The following KPNA7 variants were observed in gnomAD, a reference collection of about 807,000 sequenced individuals.
KPNA7 encodes karyopherin subunit alpha 7.
In KPNA7, 54 loss-of-function variants were observed where a neutral mutation model predicts 53.7. The ratio of observed to expected loss-of-function variants is 1.01; its 90% CI spans 0.81 to 1.26. The LOEUF (loss-of-function observed/expected upper bound fraction) is 1.26. Ranked by LOEUF, KPNA7 falls within the 50% of genes most tolerant of loss-of-function variation. The pLI, the probability that KPNA7 is intolerant of heterozygous loss-of-function variation, is 0.00. For missense variants in KPNA7, 640 were observed against 644.5 expected (o/e 0.99, Z 0.07); for synonymous variants, 276 against 259.3 (o/e 1.06, Z -0.62).
At chr7:99,149,587 T>C in the KPNA7 span, among the ~76,000 whole-genome samples, 1 of 152,190 alleles carries the variant, frequency 6.6e-6, no homozygotes, top group Non-Finnish European at 1.5e-5. Context: ...TGAAGCTTCT[T>C]ATCCTGAGAA....
In KPNA7 at chr7:99,192,163, A is replaced by T. The variant is rs562276874; in HGVS notation, c.636+856T>A. Among the ~76,000 whole-genome samples, 5 of 152,278 alleles carry T rather than the reference A, an allele frequency of 3.3e-5. No individual in the cohort carries two copies. The South Asian group carries it at 1.0e-3, about 32-fold the overall frequency. On this transcript the variant is annotated intron_variant, in intron 6 of 10. Transcript: ENST00000327442. ...GGTTGCAAATTTTTTTGTGTGAAAAATCAGACCTTGGTAATGACCATGAGC... is the reference window on the plus strand; with the variant it reads ...GGTTGCAAATTTTTTTGTGTGAAAATTCAGACCTTGGTAATGACCATGAGC...
chr7:99,163,383 A>ATTTTTTTTTTTTTTTT, the KPNA7 span, among the ~76,000 whole-genome samples: 1 of 40,804 alleles, frequency 2.5e-5, no homozygotes, highest in Admixed American at 4.9e-4. Flanking sequence ...ATATATATAT[A>ATTTTTTTTTTTTTTTT]TTTTTTTTTT....
chr7:99,170,479 A>G (rs954132400), downstream of KPNA7, among the ~76,000 whole-genome samples: 5 of 150,734 alleles, frequency 3.3e-5, no homozygotes, highest in Non-Finnish European at 5.9e-5. Context: ...GGAAAAAAAA[A>G]TGGTGGTGGC....
At chr7:99,159,830 A>C in the KPNA7 span, among the ~76,000 whole-genome samples, 3 of 152,046 alleles carry the variant, frequency 2.0e-5, no homozygotes, top group Admixed American at 2.0e-4. Flanking sequence ...CAGAATACAA[A>C]TGAGGCCCAC....
intron 3 of KPNA7, among the ~76,000 whole-genome samples, chr7:99,199,716 A>C (rs1367436960): frequency 6.6e-6 from 1 of 152,192 alleles, no homozygotes; most frequent in Non-Finnish European, 1.5e-5. Flanking sequence ...TAAAACACAA[A>C]CAACCAAGAA....
the KPNA7 span, among the ~76,000 whole-genome samples, chr7:99,151,477 G>T: frequency 6.6e-6 from 1 of 151,034 alleles, no homozygotes; most frequent in African/African-American, 2.4e-5. Flanking sequence ...TTGAGACAGG[G>T]TCTTTCCCTG....
intron 6 of KPNA7, among the ~76,000 whole-genome samples, chr7:99,190,199 G>C (rs1789862239): frequency 6.6e-6 from 1 of 151,700 alleles, no homozygotes; most frequent in Non-Finnish European, 1.5e-5. Flanking sequence ...TAGCCAGGCG[G>C]GGTGGCATGT....
upstream of KPNA7, among the ~76,000 whole-genome samples, chr7:99,210,253 C>A (rs75192285): frequency 6.6e-6 from 1 of 152,166 alleles, no homozygotes; most frequent in African/African-American, 2.4e-5. Context: ...AGGATCTCTG[C>A]ACACTTGGCT....
the KPNA7 span, among the ~76,000 whole-genome samples, chr7:99,147,657 G>A: frequency 6.6e-6 from 1 of 152,190 alleles, no homozygotes; most frequent in Non-Finnish European, 1.5e-5. Flanking sequence ...TGGGTGTAGT[G>A]GCAGGCGCCT....
chr7:99,177,572 C>CA (rs34717081), intron 10 of KPNA7, among the ~76,000 whole-genome samples: 2,111 of 41,692 alleles, frequency 0.051, 295 homozygotes, highest in Non-Finnish European at 0.074. Flanking sequence ...GAAACCATCT[C>CA]AAAAAAAAAA....
the KPNA7 span, among the ~76,000 whole-genome samples, chr7:99,154,043 CTAAA>C: frequency 2.0e-5 from 3 of 151,774 alleles, no homozygotes; most frequent in Non-Finnish European, 4.4e-5. Flanking sequence ...TAAATGTTTT[CTAAA>C]TAATCACACT....
intron 1 of KPNA7, among the ~76,000 whole-genome samples, chr7:99,215,149 G>A (rs1791183694): frequency 6.6e-6 from 1 of 151,842 alleles, no homozygotes; most frequent in Non-Finnish European, 1.5e-5. Flanking sequence ...TGAGGTGGGT[G>A]GATCACAAGG....
At chr7:99,219,036 G>GC (rs1791284719) in intron 1 of KPNA7, among the ~76,000 whole-genome samples, 1 of 152,240 alleles carries the variant, frequency 6.6e-6, no homozygotes, top group Admixed American at 6.5e-5. Context: ...GCAGCCCTTG[G>GC]CCCCACCTCA....
At chr7:99,162,043 T>C in the KPNA7 span, among the ~76,000 whole-genome samples, 1 of 148,924 alleles carries the variant, frequency 6.7e-6, no homozygotes, top group Non-Finnish European at 1.5e-5. Flanking sequence ...TGCAATTTTT[T>C]TTTTTTTTTT....
rs111707443 is a variant in KPNA7 at position 99,175,074 on chromosome 7, A to G, written c.1465-1280T>C. Among the ~76,000 whole-genome samples, 1,029 of 151,914 alleles carry G rather than the reference A, an allele frequency of 6.8e-3. 7 individuals carry two copies. The highest frequency in any genetic ancestry group is 0.012 in the Non-Finnish European group (827 of 67,954). ...GATCCACCCGCCTTGGCCTCCCCCA[A>G]AGTGCTGGGATTACAGGTGTGAGCC... On this transcript the variant is annotated intron_variant, in intron 10 of 10. Coordinates refer to ENST00000327442, the MANE Select transcript of KPNA7 (RefSeq NM_001145715.3).
chr7:99,167,561 T>C, the KPNA7 span, among the ~76,000 whole-genome samples: 1 of 146,506 alleles, frequency 6.8e-6, no homozygotes, highest in African/African-American at 2.5e-5. Flanking sequence ...CAAGCAATTC[T>C]CCTGCCTCAG....
rs767943846 is a variant in KPNA7, at chr7:99,203,184, A to G, written c.123T>C (p.Asp41=). The G allele has an allele frequency of 9.7e-6, 15 of 1,551,502 alleles. No homozygotes were observed. The South Asian group carries it at 1.4e-4, about 15-fold the overall frequency. ...VSLELRKAKK[D]EQTLKRRNIT... is the part of the protein sequence containing the mutation. ...TATTCCTTCTCTTTAAGGTCTGTTCATCTTTCTTGGCCTTTCGGAGCTCCA... is the reference window on the plus strand; with the variant it reads ...TATTCCTTCTCTTTAAGGTCTGTTCGTCTTTCTTGGCCTTTCGGAGCTCCA... The change falls in exon 3 of 11, where the codon GAT becomes GAC. Residue 41 remains aspartate, a synonymous_variant. Coordinates refer to ENST00000327442, the MANE Select transcript of KPNA7 (RefSeq NM_001145715.3).
At chr7:99,188,189 A>G (rs1584282851) in intron 7 of KPNA7, 111 bp downstream of exon 7, 1 of 1,010,588 alleles carries the variant, frequency 9.9e-7, no homozygotes, top group Non-Finnish European at 1.4e-6. Flanking sequence ...AAAAAAAAAA[A>G]AAAAAAAAAG....
chr7:99,198,659 CAG>C (rs1314837587), intron 3 of KPNA7, among the ~76,000 whole-genome samples: 1 of 152,006 alleles, frequency 6.6e-6, no homozygotes. Flanking sequence ...ACAAAAAACT[CAG>C]AGGTAGCCTC....
Sources: gnomAD v4.1 joint callset for allele counts (sites outside exome capture counted in the v4.1 genomes callset) on GRCh38, gnomAD v4.1.1 for gene constraint, MANE v1.5 for transcripts, NCBI Gene and HGNC (gene_info 2026-07-23, HGNC 2026-07-21) for gene names.